CCDC85C: variants seen among roughly 807,000 people sequenced by gnomAD.
CCDC85C encodes coiled-coil domain containing 85C, also known as coiled-coil domain-containing protein 85C.
CCDC85C carries 18 observed loss-of-function variants against 38.3 expected under a neutral mutation model. That is an observed-to-expected ratio of 0.47 (90% CI 0.33 to 0.70). The LOEUF (loss-of-function observed/expected upper bound fraction) is 0.70. Among genes scored for constraint, CCDC85C ranks in the 30% least tolerant of loss-of-function variants. The pLI, the probability that CCDC85C is intolerant of heterozygous loss-of-function variation, is 0.03. For missense variants in CCDC85C, 566 were observed against 621.2 expected (o/e 0.91, Z 0.94); for synonymous variants, 264 against 293.8 (o/e 0.90, Z 1.04).
chr14:99,516,996 G>T lies in CCDC85C; in HGVS notation c.1071+92C>A. On this transcript the variant is annotated intron_variant, in intron 4 of 5. Coordinates refer to ENST00000380243, the MANE Select transcript of CCDC85C (RefSeq NM_001144995.2). The surrounding 1 kb of genome is among the most constrained non-coding windows in gnomAD (Gnocchi z 5.5). ...CACACAGATGAAACCTCCCACCCCT[G>T]CCACTTGGATACCCCTAGGTGCAAA... The T allele has an allele frequency of 1.7e-6, 2 of 1,208,682 alleles. No homozygotes were observed. Among genetic ancestry groups the T allele is most frequent in the Non-Finnish European group, 2.4e-6 (2 of 835,802 alleles). The allele number at this position is 1,208,682 out of a possible 1,614,324, so 74.9% of individuals were successfully genotyped here.
chr14:99,556,127 C>T (rs10150754), intron 1 of CCDC85C, among the ~76,000 whole-genome samples: 82,022 of 152,146 alleles, frequency 0.54, 22,392 homozygotes, highest in African/African-American at 0.61. Context: ...CATTAGAAAA[C>T]AATCACTCAG....
Position 99,507,161 on chromosome 14 carries a change from G to A in CCDC85C, c.*8085C>T. On this transcript the variant is annotated 3_prime_UTR_variant, in exon 6 of 6. Transcript: ENST00000380243. ...ACCCACCTCCAGGTAAGCATCTGCT[G>A]AAGCAGCTTGGCCAGCTGTGCACAT... The A allele has an allele frequency of 6.5e-7, 1 of 1,546,376 alleles. No individual in the cohort carries two copies. Among genetic ancestry groups the A allele is most frequent in the East Asian group, 2.2e-5 (1 of 44,594 alleles).
At chr14:99,532,753 C>T (rs1185870720) in intron 2 of CCDC85C, among the ~76,000 whole-genome samples, 1 of 151,636 alleles carries the variant, frequency 6.6e-6, no homozygotes, top group Non-Finnish European at 1.5e-5. Flanking sequence ...CCCATGATCC[C>T]AGCTCCTCTG....
chr14:99,545,106 G>A lies in CCDC85C; in HGVS notation c.794-9018C>T, dbSNP rs956720480. On this transcript the variant is annotated intron_variant, in intron 1 of 5. Transcript: ENST00000380243. The surrounding 1 kb of genome is among the most constrained non-coding windows in gnomAD (Gnocchi z 4.7). The stretch of plus-strand genomic sequence containing the variant: ...AGAATGAAATCTCCTGGTGCTGGCC[G>A]GTCAGCCTTCCCCAGTGAGTGCACG... Among the ~76,000 whole-genome samples the A allele has an allele frequency of 3.9e-5, 6 of 152,174 alleles. No homozygotes were observed. The highest frequency in any genetic ancestry group is 6.5e-5 in the Admixed American group (1 of 15,288).
chr14:99,554,186 C>T (rs922426726), intron 1 of CCDC85C, among the ~76,000 whole-genome samples: 2 of 152,174 alleles, frequency 1.3e-5, no homozygotes, highest in Non-Finnish European at 2.9e-5. Context: ...GCTCCAGTAA[C>T]TGAAGAGGAC....
At chr14:99,536,283 C>T (rs949679123) in intron 1 of CCDC85C, among the ~76,000 whole-genome samples, 195 bp from the exon 2 acceptor site, 5 of 152,182 alleles carry the variant, frequency 3.3e-5, no homozygotes, top group Non-Finnish European at 5.9e-5. Flanking sequence ...CAAAGGCTTC[C>T]GGCCATAGGG....
chr14:99,544,000 C>A (rs547837337), intron 1 of CCDC85C, among the ~76,000 whole-genome samples: 4 of 152,310 alleles, frequency 2.6e-5, no homozygotes, highest in African/African-American at 9.6e-5. Context: ...GAAAAGAGTT[C>A]TCCCATCCAC....
chr14:99,542,416 C>T (rs1897731333), intron 1 of CCDC85C, among the ~76,000 whole-genome samples: 1 of 152,184 alleles, frequency 6.6e-6, no homozygotes. Flanking sequence ...CCAGAAAAAC[C>T]CGTCCATAAC....
rs141140226 is a variant in CCDC85C at position 99,572,027 on chromosome 14, C to T, written c.793+31140G>A. 8.9e-3 allele frequency among the ~76,000 whole-genome samples: 1,360 copies of T among 152,334 alleles called. 20 individuals carry two copies. The highest frequency in any genetic ancestry group is 0.057 in the South Asian group (276 of 4,826). ...GGAGCTGGAGACTGCCTGCAGCAGG[C>T]ACCCTTCCACGGGGCATCTCAGAGC... On this transcript the variant is annotated intron_variant, in intron 1 of 5. Coordinates refer to ENST00000380243, the MANE Select transcript of CCDC85C (RefSeq NM_001144995.2). The surrounding 1 kb of genome is among the most constrained non-coding windows in gnomAD (Gnocchi z 4.4).
rs1209663769 is a variant in CCDC85C at position 99,512,400 on chromosome 14, C to T, written c.*2846G>A. ...CAGTATGAAAAATATACACCTCTACCGCTCTGCAGTCATGCATTTAGTTTT... is the reference window on the plus strand; with the variant it reads ...CAGTATGAAAAATATACACCTCTACTGCTCTGCAGTCATGCATTTAGTTTT... On this transcript the variant is annotated 3_prime_UTR_variant, in exon 6 of 6. Transcript: ENST00000380243. 1 of 151,608 alleles carries T rather than the reference C, an allele frequency of 6.6e-6. No individual in the cohort carries two copies. The highest frequency in any genetic ancestry group is 6.6e-5 in the Admixed American group (1 of 15,238). The allele number at this position is 151,608 out of a possible 1,614,324, so 9.4% of individuals were successfully genotyped here.
Position 99,500,748 on chromosome 14 carries a change from T to A in CCDC85C, c.*14498A>T. 1 of 1,467,358 alleles carries A rather than the reference T, an allele frequency of 6.8e-7. No homozygotes were observed. The highest frequency in any genetic ancestry group is 9.4e-7 in the Non-Finnish European group (1 of 1,068,332). 90.9% of individuals were successfully genotyped at this position (1,467,358 alleles called of 1,614,324 possible). A position where few individuals can be genotyped will look rare whatever the true frequency, so the allele number is the denominator to read the frequency against. ...TGCAATTGTAATTACTGTCCTAACA[T>A]TTGTGATTGATTTTTAGGAGGAAGT... On this transcript the variant is annotated 3_prime_UTR_variant, in exon 6 of 6. Coordinates refer to ENST00000380243, the MANE Select transcript of CCDC85C (RefSeq NM_001144995.2).
intron 1 of CCDC85C, among the ~76,000 whole-genome samples, chr14:99,583,558 G>A (rs1292709543): frequency 2.0e-5 from 3 of 149,646 alleles, no homozygotes; most frequent in African/African-American, 7.4e-5. Flanking sequence ...TGTTATCCCA[G>A]CACTTTGGGA....
At chr14:99,554,734 C>T (rs12889313) in intron 1 of CCDC85C, among the ~76,000 whole-genome samples, 80,715 of 151,990 alleles carry the variant, frequency 0.53, 21,622 homozygotes, top group African/African-American at 0.58. Context: ...AACGGGCATG[C>T]CTGAGGTCCC....
chr14:99,560,366 T>C (rs1448766000), intron 1 of CCDC85C, among the ~76,000 whole-genome samples: 3 of 151,952 alleles, frequency 2.0e-5, no homozygotes, highest in Non-Finnish European at 4.4e-5. Context: ...AGTTTTCCCA[T>C]CTGTAAAATG....
intron 1 of CCDC85C, among the ~76,000 whole-genome samples, chr14:99,555,057 T>C (rs17098805): frequency 0.037 from 5,670 of 152,344 alleles, 253 homozygotes; most frequent in African/African-American, 0.11. Context: ...AGTGCCAGGA[T>C]GAGGTCAATG....
chr14:99,582,385 G>T (rs1249793128), intron 1 of CCDC85C, among the ~76,000 whole-genome samples: 1 of 152,082 alleles, frequency 6.6e-6, no homozygotes, highest in East Asian at 1.9e-4. Flanking sequence ...AAAAGAGTTG[G>T]GATCAAAAAT....
At chr14:99,551,708 A>G (rs1379474414) in intron 1 of CCDC85C, among the ~76,000 whole-genome samples, 2 of 147,072 alleles carry the variant, frequency 1.4e-5, no homozygotes, top group Admixed American at 6.7e-5. Flanking sequence ...CAGGTGGGTG[A>G]GCAGGTGGGT....
Position 99,567,491 on chromosome 14 carries a change from G to A in CCDC85C, c.794-31403C>T, listed in dbSNP as rs560716656. 1.9e-4 allele frequency among the ~76,000 whole-genome samples: 29 copies of A among 152,278 alleles called. No homozygotes were observed. The South Asian group carries it at 6.0e-3, about 32-fold the overall frequency. On this transcript the variant is annotated intron_variant, in intron 1 of 5. Transcript: ENST00000380243. ...TCTCACCAGCAGGAGGGACCCCTGG[G>A]CCAGGACAGCCAAGGTGCGGCAGAT... is the stretch of plus-strand genomic sequence containing the variant.
Position 99,519,099 on chromosome 14 carries a change from CTTTTTTTTTTTTT to C in CCDC85C, c.976-1929_976-1917del, listed in dbSNP as rs59524541. Among the ~76,000 whole-genome samples, 209 of 52,222 alleles carry C rather than the reference CTTTTTTTTTTTTT, an allele frequency of 4.0e-3. 1 individual carries two copies. The highest frequency in any genetic ancestry group is 0.016 in the African/African-American group (196 of 12,118). The allele number at this position is 52,222 out of a possible 152,430, so 34.3% of individuals were successfully genotyped here. ...TATCTTTTTACATGTTCATACATGC[CTTTTTTTTTTTTT>C]TTTTTTTTTTTTTTTTTTTGAGTGA... is the stretch of plus-strand genomic sequence containing the variant. On this transcript the variant is annotated intron_variant, in intron 3 of 5. Transcript: ENST00000380243.
Sources: allele counts gnomAD v4.1 joint callset (sites outside exome capture counted in the v4.1 genomes callset), GRCh38; gene constraint gnomAD v4.1.1; non-coding constraint Gnocchi (gnomAD v3.1); transcripts MANE v1.5; gene names NCBI Gene and HGNC (gene_info 2026-07-23, HGNC 2026-07-21).